SDK1: variants seen among roughly 807,000 people sequenced by gnomAD.
The protein encoded by SDK1 is protein sidekick-1.
SDK1 carries 157 observed loss-of-function variants against 245.5 expected under a neutral mutation model. The observed-to-expected ratio is 0.64, with a 90% CI of 0.56 to 0.73. SDK1 has a LOEUF of 0.73. Among genes scored for constraint, SDK1 ranks in the 30% least tolerant of loss-of-function variants. SDK1 has a pLI of 0.00. For synonymous variants in SDK1, 1,647 were observed against 1,278.5 expected (o/e 1.29, Z -6.15); for missense variants, 3,583 against 3,002.3 (o/e 1.19, Z -4.52).
chr7:3,725,364 G>A (rs1778977693), intron 4 of SDK1, among the ~76,000 whole-genome samples: 1 of 152,184 alleles, frequency 6.6e-6, no homozygotes, highest in Non-Finnish European at 1.5e-5. Flanking sequence ...GGCTGAAAAG[G>A]AGGAGGGACT....
intron 1 of SDK1, among the ~76,000 whole-genome samples, chr7:3,504,361 T>C (rs539746047): frequency 2.6e-4 from 39 of 151,868 alleles, no homozygotes; most frequent in Non-Finnish European, 5.4e-4. Flanking sequence ...GGCCAAACAG[T>C]ATTGAAAAAG....
intron 1 of SDK1, among the ~76,000 whole-genome samples, chr7:3,410,626 G>T (rs920278068): frequency 1.6e-5 from 2 of 124,092 alleles, no homozygotes; most frequent in Non-Finnish European, 3.1e-5. Context: ...TTGCTCTGTC[G>T]CCTAGGCTGG....
intron 1 of SDK1, among the ~76,000 whole-genome samples, chr7:3,559,921 G>C (rs1045294068): frequency 2.6e-5 from 4 of 152,152 alleles, no homozygotes; most frequent in Non-Finnish European, 4.4e-5. Context: ...CAGGATGATT[G>C]ATGTTGAATA....
intron 7 of SDK1, 33 bp downstream of exon 7, chr7:3,951,953 C>T (rs757753129): frequency 2.5e-6 from 4 of 1,579,248 alleles, no homozygotes; most frequent in Non-Finnish European, 3.4e-6. Flanking sequence ...GTGTTGCCAG[C>T]ATCTCAGATA....
rs528217871 is a variant in SDK1 at position 3,438,059 on chromosome 7, A to G, written c.298+136175A>G. Among the ~76,000 whole-genome samples, 69 of 152,306 alleles carry G rather than the reference A, an allele frequency of 4.5e-4. 2 individuals carry two copies. In the South Asian group the frequency reaches 0.014, roughly 31 times the overall value. On this transcript the variant is annotated intron_variant, in intron 1 of 44. Coordinates refer to ENST00000404826, the MANE Select transcript of SDK1 (RefSeq NM_152744.4). ...TTATAGATGAAGAAATGGACTTGGAATAATTAAGTTATTTACAGCTAACCC... is the reference window on the plus strand; with the variant it reads ...TTATAGATGAAGAAATGGACTTGGAGTAATTAAGTTATTTACAGCTAACCC...
intron 1 of SDK1, among the ~76,000 whole-genome samples, chr7:3,551,977 C>G (rs1289527775): frequency 6.6e-6 from 1 of 151,988 alleles, no homozygotes; most frequent in Non-Finnish European, 1.5e-5. Flanking sequence ...ATACTATGGC[C>G]TGGGTCGTTC....
intron 1 of SDK1, among the ~76,000 whole-genome samples, chr7:3,610,836 C>T (rs1583224600): frequency 6.6e-6 from 1 of 152,212 alleles, no homozygotes; most frequent in South Asian, 2.1e-4. Flanking sequence ...ATGGAAATCT[C>T]AGGGACCCTC....
intron 5 of SDK1, among the ~76,000 whole-genome samples, chr7:3,875,807 C>A (rs114859993): frequency 6.6e-6 from 1 of 152,058 alleles, no homozygotes; most frequent in Admixed American, 6.5e-5. Context: ...CCCCTGAAAC[C>A]CCTATATCCT....
intron 1 of SDK1, among the ~76,000 whole-genome samples, chr7:3,586,772 C>T (rs1583198319): frequency 6.6e-6 from 1 of 151,306 alleles, no homozygotes; most frequent in South Asian, 2.1e-4. Flanking sequence ...GACAGAGTAG[C>T]CTTAACTGTC....
At chr7:4,003,981 G>A (rs1207085917) in intron 14 of SDK1, among the ~76,000 whole-genome samples, 1 of 152,262 alleles carries the variant, frequency 6.6e-6, no homozygotes, top group Admixed American at 6.5e-5. Context: ...ACAATGAGAT[G>A]TGGAGTTTGC....
At chr7:3,670,707 C>T (rs1010581441) in intron 4 of SDK1, among the ~76,000 whole-genome samples, 6 of 152,174 alleles carry the variant, frequency 3.9e-5, no homozygotes, top group East Asian at 1.9e-4. Flanking sequence ...GATACCCACC[C>T]GCTTGCTTCC....
intron 4 of SDK1, among the ~76,000 whole-genome samples, chr7:3,671,132 T>G (rs1783689804): frequency 6.6e-6 from 1 of 152,218 alleles, no homozygotes; most frequent in Non-Finnish European, 1.5e-5. Flanking sequence ...AGCATTGGTC[T>G]TATCCAAGTC....
intron 1 of SDK1, among the ~76,000 whole-genome samples, chr7:3,541,079 C>T (rs931216159): frequency 2.6e-5 from 4 of 152,172 alleles, no homozygotes; most frequent in South Asian, 2.1e-4. Flanking sequence ...CAATCATTTC[C>T]GTTTTCTAAA....
intron 1 of SDK1, among the ~76,000 whole-genome samples, chr7:3,469,457 G>C (rs1781115745): frequency 6.6e-6 from 1 of 152,012 alleles, no homozygotes; most frequent in Non-Finnish European, 1.5e-5. Flanking sequence ...TTCCTTGGAA[G>C]GAATTAAGAC....
chr7:3,575,578 T>G lies in SDK1; in HGVS notation c.299-43502T>G, dbSNP rs186242228. 2.2e-4 allele frequency among the ~76,000 whole-genome samples: 34 copies of G among 152,190 alleles called. No individual in the cohort carries two copies. In the East Asian group the frequency reaches 6.6e-3, roughly 29 times the overall value. On this transcript the variant is annotated intron_variant, in intron 1 of 44. Transcript: ENST00000404826. ...GTAGATAGTGCTTTTTGCTGGGTTT[T>G]GATTTTTCAGGATGAGGGAAAATCG...
At chr7:4,175,709 G>T in intron 33 of SDK1, 66 bp from the exon 34 acceptor site, 1 of 1,330,500 alleles carries the variant, frequency 7.5e-7, no homozygotes, top group Non-Finnish European at 1.1e-6. Flanking sequence ...TGTTCCTGCC[G>T]CACATCACCT....
intron 1 of SDK1, among the ~76,000 whole-genome samples, chr7:3,362,718 T>C (rs1366473590): frequency 6.6e-6 from 1 of 152,190 alleles, no homozygotes; most frequent in Non-Finnish European, 1.5e-5. Flanking sequence ...TATTGATAAT[T>C]AAATGAATAT....
At chr7:4,089,216 CCCTCAA>C (rs1277717841) in intron 22 of SDK1, among the ~76,000 whole-genome samples, 2 of 152,158 alleles carry the variant, frequency 1.3e-5, no homozygotes, top group African/African-American at 4.8e-5. Flanking sequence ...GTGAGACCCT[CCCTCAA>C]GTGGAGGTGA....
intron 1 of SDK1, among the ~76,000 whole-genome samples, chr7:3,515,092 TGA>T (rs1333140565): frequency 6.6e-6 from 1 of 151,898 alleles, no homozygotes; most frequent in Non-Finnish European, 1.5e-5. Flanking sequence ...AAGGAGCAGG[TGA>T]GAGAAGCGGG....
Sources: allele counts gnomAD v4.1 joint callset (sites outside exome capture counted in the v4.1 genomes callset), GRCh38; gene constraint gnomAD v4.1.1; transcripts MANE v1.5; gene names NCBI Gene and HGNC (gene_info 2026-07-23, HGNC 2026-07-21).